CTNNA2: variants seen among roughly 807,000 people sequenced by gnomAD.
CTNNA2 encodes catenin alpha-2.
In CTNNA2, 42 loss-of-function variants were observed where a neutral mutation model predicts 101.0. The ratio of observed to expected loss-of-function variants is 0.42; its 90% CI spans 0.32 to 0.54. The LOEUF is 0.54. Among genes scored for constraint, CTNNA2 ranks in the 20% least tolerant of loss-of-function variants. CTNNA2 has a pLI of 0.14. For missense variants in CTNNA2, 871 were observed against 1,223.1 expected, an observed-to-expected ratio of 0.71 and a Z score of 4.29; for synonymous variants, 450 against 456.4, an observed-to-expected ratio of 0.99 and a Z score of 0.18.
At chr2:80,336,241 T>C (rs1671753738) in intron 7 of CTNNA2, among the ~76,000 whole-genome samples, 2 of 152,072 alleles carry the variant, frequency 1.3e-5, no homozygotes, top group Non-Finnish European at 2.9e-5. Flanking sequence ...CATATTCTTA[T>C]AGGGTGAAGG....
chr2:80,391,145 A>AAG (rs1165616768), intron 7 of CTNNA2, among the ~76,000 whole-genome samples: 3 of 151,790 alleles, frequency 2.0e-5, no homozygotes, highest in African/African-American at 7.3e-5. Flanking sequence ...AAAAAAAAAA[A>AAG]AAAAGTATGT....
At chr2:79,545,988 G>A (rs1291205750) in intron 1 of CTNNA2, among the ~76,000 whole-genome samples, 10 of 152,178 alleles carry the variant, frequency 6.6e-5, no homozygotes. Flanking sequence ...ATGTGTGTAA[G>A]TCAGGCACAG....
intron 3 of CTNNA2, among the ~76,000 whole-genome samples, chr2:79,804,510 C>T (rs923907027): frequency 9.9e-5 from 15 of 152,248 alleles, no homozygotes; most frequent in South Asian, 8.3e-4. Context: ...CAGTGGCCAA[C>T]TTCTTTTCTG....
At chr2:79,557,171 A>G (rs1042827901) in intron 1 of CTNNA2, among the ~76,000 whole-genome samples, 2 of 152,012 alleles carry the variant, frequency 1.3e-5, no homozygotes, top group African/African-American at 2.4e-5. Flanking sequence ...TATTCTCTCA[A>G]TAGCCCTCAA....
At chr2:80,315,017 A>G (rs1008158535) in intron 7 of CTNNA2, among the ~76,000 whole-genome samples, 6 of 152,252 alleles carry the variant, frequency 3.9e-5, no homozygotes, top group African/African-American at 1.4e-4. Flanking sequence ...AACATTCAAC[A>G]TAGTAAAACA....
At chr2:79,971,932 G>A (rs952161880) in intron 7 of CTNNA2, among the ~76,000 whole-genome samples, 1 of 152,104 alleles carries the variant, frequency 6.6e-6, no homozygotes, top group Non-Finnish European at 1.5e-5. Context: ...TCTCAGCTGG[G>A]GCTGTAAGTT....
intron 2 of CTNNA2, among the ~76,000 whole-genome samples, chr2:79,284,702 G>A (rs932978143): frequency 6.6e-6 from 1 of 150,720 alleles, no homozygotes; most frequent in Non-Finnish European, 1.5e-5. Context: ...GTTCATCAAG[G>A]ATATTGGTCT....
intron 1 of CTNNA2, among the ~76,000 whole-genome samples, chr2:79,588,022 A>G (rs1447906477): frequency 1.3e-5 from 2 of 152,224 alleles, no homozygotes; most frequent in Non-Finnish European, 2.9e-5. Flanking sequence ...ATGTCTTAAA[A>G]GCACATTATA....
chr2:79,690,281 G>A (rs570727947), intron 2 of CTNNA2, among the ~76,000 whole-genome samples: 7 of 152,078 alleles, frequency 4.6e-5, no homozygotes, highest in Non-Finnish European at 8.8e-5. Context: ...CAAATTCAGT[G>A]GAAGAATTAT....
intron 1 of CTNNA2, among the ~76,000 whole-genome samples, chr2:79,550,651 C>A (rs775030737): frequency 5.3e-5 from 8 of 152,176 alleles, no homozygotes; most frequent in Non-Finnish European, 8.8e-5. Context: ...CTTATTCTTT[C>A]CTTTATTCTT....
intron 7 of CTNNA2, among the ~76,000 whole-genome samples, chr2:79,938,540 C>T (rs1271134968): frequency 6.6e-6 from 1 of 152,032 alleles, no homozygotes; most frequent in Non-Finnish European, 1.5e-5. Flanking sequence ...GAGAGTGAAC[C>T]GAATTGTAAG....
intron 2 of CTNNA2, among the ~76,000 whole-genome samples, chr2:79,702,630 A>T (rs1685087601): frequency 6.6e-6 from 1 of 152,104 alleles, no homozygotes; most frequent in African/African-American, 2.4e-5. Flanking sequence ...CTGTTAGTTA[A>T]TTTGCCTCCT....
intron 2 of CTNNA2, among the ~76,000 whole-genome samples, chr2:79,274,693 T>C (rs561540511): frequency 3.9e-5 from 6 of 152,050 alleles, no homozygotes; most frequent in Non-Finnish European, 7.4e-5. Context: ...TCTCCATATA[T>C]TATGTGGATC....
intron 7 of CTNNA2, among the ~76,000 whole-genome samples, chr2:80,389,041 C>A (rs532362165): frequency 6.6e-6 from 1 of 152,224 alleles, no homozygotes; most frequent in African/African-American, 2.4e-5. Context: ...AGGGAGAGAA[C>A]TTTTTCTTTA....
At chr2:79,835,819 G>C (rs1679321505) in intron 3 of CTNNA2, among the ~76,000 whole-genome samples, 1 of 151,460 alleles carries the variant, frequency 6.6e-6, no homozygotes, top group South Asian at 2.1e-4. Context: ...TTTTAGTAGA[G>C]ACAGGGTTTC....
At chr2:80,616,591 TATA>T (rs934550196) in intron 17 of CTNNA2, 225 of 151,846 alleles carry the variant, frequency 1.5e-3, no homozygotes, top group African/African-American at 5.2e-3. Flanking sequence ...CTACCGTGAC[TATA>T]ATAATGGAGT....
chr2:79,480,120 A>G (rs913378447), intron 4 of CTNNA2, among the ~76,000 whole-genome samples: 1 of 152,006 alleles, frequency 6.6e-6, no homozygotes, highest in Non-Finnish European at 1.5e-5. Context: ...AGGAGGCAAG[A>G]GAGAGAAGGG....
chr2:79,820,864 A>T (rs1677944957), intron 3 of CTNNA2, among the ~76,000 whole-genome samples: 2 of 152,288 alleles, frequency 1.3e-5, no homozygotes, highest in South Asian at 2.1e-4. Context: ...TTTTCCCGTT[A>T]ACTGAAATAC....
In CTNNA2 at chr2:79,471,854, AG is replaced by A. The variant is rs377594645; in HGVS notation, c.-134-33199del. ...CTCTGTCTCAAAAAACAAAAAAAAA[AG>A]ATTTTAACATATCAGTTGTGGGGAG... On this transcript the variant is annotated intron_variant, in intron 4 of 21. Coordinates refer to the CTNNA2 transcript ENST00000466387. Among the ~76,000 whole-genome samples the A allele has an allele frequency of 7.9e-3, 1,207 of 152,116 alleles. 14 individuals carry two copies. The highest frequency in any genetic ancestry group is 0.027 in the African/African-American group (1,127 of 41,508).
Sources: allele counts gnomAD v4.1 joint callset (sites outside exome capture counted in the v4.1 genomes callset), GRCh38; gene constraint gnomAD v4.1.1; transcripts MANE v1.5; gene names NCBI Gene and HGNC (gene_info 2026-07-23, HGNC 2026-07-21).